Variants in DSCAML1 observed in about 807,000 individuals in gnomAD.
DSCAML1 encodes the protein DS cell adhesion molecule like 1.
Under a neutral mutation model 200.5 loss-of-function variants are expected in DSCAML1, and 38 were observed. The ratio of observed to expected loss-of-function variants is 0.19; its 90% CI spans 0.15 to 0.25. DSCAML1 has a LOEUF of 0.25. Ranked by LOEUF, DSCAML1 falls within the 10% of genes least tolerant of loss-of-function variation. The pLI, the probability that DSCAML1 is intolerant of heterozygous loss-of-function variation, is 1.00. For synonymous variants in DSCAML1, 1,215 were observed against 1,165.0 expected (o/e 1.04, Z -0.87); for missense variants, 2,223 against 2,858.8 (o/e 0.78, Z 5.07).
intron 3 of DSCAML1, among the ~76,000 whole-genome samples, chr11:117,722,479 T>C (rs1565895002): frequency 6.6e-6 from 1 of 152,160 alleles, no homozygotes; most frequent in Non-Finnish European, 1.5e-5. Flanking sequence ...AAGGTGAATA[T>C]ATTTAACAGC....
intron 3 of DSCAML1, among the ~76,000 whole-genome samples, chr11:117,548,866 G>A (rs1310861153): frequency 6.6e-6 from 1 of 152,192 alleles, no homozygotes; most frequent in South Asian, 2.1e-4. Context: ...GGGAGGAGTC[G>A]CTGGGCTGCC....
At chr11:117,785,257 G>A (rs12273859) in intron 1 of DSCAML1, among the ~76,000 whole-genome samples, 6,968 of 152,236 alleles carry the variant, frequency 0.046, 461 homozygotes, top group African/African-American at 0.14. Flanking sequence ...TATGTGACCC[G>A]GGGGCTGAAA....
rs548760156 is a variant in DSCAML1 at position 117,666,234 on chromosome 11, C to A, written c.511+110557G>T. ...ACCCTCGAGCCAGCCTCTTCAGCAT[C>A]AATTTCCACATCTGTAAATTGGGAG... On this transcript the variant is annotated intron_variant, in intron 3 of 32. Transcript: ENST00000651296. Among the ~76,000 whole-genome samples, 16 of 152,278 alleles carry A rather than the reference C, an allele frequency of 1.1e-4. No individual in the cohort carries two copies. The South Asian group carries it at 3.3e-3, about 32-fold the overall frequency.
In DSCAML1 at chr11:117,464,973, G is replaced by T. The variant is rs753419027; in HGVS notation, c.3234C>A (p.Ser1078=). 10 of 1,614,098 alleles carry T rather than the reference G, an allele frequency of 6.2e-6. No homozygotes were observed. Among genetic ancestry groups the T allele is most frequent in the Admixed American group, 5.0e-5 (3 of 60,014 alleles). The change falls in exon 17 of 33, where the codon TCC becomes TCA. Residue 1078 remains serine (S), a synonymous_variant. Transcript: ENST00000651296. ...CCAGAGTGGTGGCATTGATCTCGCT[G>T]GAAGAGGGCCCCGTGCCAGCCCGAT... ...AFNRAGTGPS[S]SEINATTLED...
intron 3 of DSCAML1, among the ~76,000 whole-genome samples, chr11:117,562,525 G>A (rs1180499712): frequency 6.6e-6 from 1 of 152,194 alleles, no homozygotes; most frequent in African/African-American, 2.4e-5. Flanking sequence ...AACGACATGT[G>A]GGTCTCCTTG....
intron 3 of DSCAML1, among the ~76,000 whole-genome samples, chr11:117,672,063 T>C (rs1360596924): frequency 1.2e-4 from 16 of 134,514 alleles, no homozygotes; most frequent in Non-Finnish European, 3.0e-5. Flanking sequence ...ATCGCGCCAC[T>C]GCACTCCAGC....
At chr11:117,812,629 C>T (rs2055770639) in intron 1 of DSCAML1, among the ~76,000 whole-genome samples, 1 of 151,866 alleles carries the variant, frequency 6.6e-6, no homozygotes, top group Non-Finnish European at 1.5e-5. Flanking sequence ...GCTGTACTGC[C>T]ACAAGGCTTC....
At chr11:117,691,569 G>A (rs2137720554) in intron 3 of DSCAML1, among the ~76,000 whole-genome samples, 1 of 152,258 alleles carries the variant, frequency 6.6e-6, no homozygotes, top group Admixed American at 6.5e-5. Flanking sequence ...CCCTGCTTAG[G>A]AGCCGGGGCT....
intron 27 of DSCAML1, among the ~76,000 whole-genome samples, chr11:117,435,425 A>G (rs1255698950): frequency 6.6e-6 from 1 of 152,228 alleles, no homozygotes; most frequent in Non-Finnish European, 1.5e-5. Flanking sequence ...ATTAGCCCTG[A>G]CTGGGGCAGG....
chr11:117,583,133 C>T (rs1034634907), intron 3 of DSCAML1, among the ~76,000 whole-genome samples: 2 of 151,888 alleles, frequency 1.3e-5, no homozygotes, highest in African/African-American at 4.8e-5. Context: ...GAAACCATGG[C>T]CTTTCCCCTC....
chr11:117,775,576 T>C (rs7945999), intron 3 of DSCAML1, among the ~76,000 whole-genome samples: 15,748 of 151,704 alleles, frequency 0.1, 1,059 homozygotes, highest in African/African-American at 0.19. Flanking sequence ...AAGTACTGAG[T>C]GTAAAAGGCA....
chr11:117,478,797 T>A (rs1204659262), intron 14 of DSCAML1, among the ~76,000 whole-genome samples: 1 of 152,228 alleles, frequency 6.6e-6, no homozygotes, highest in African/African-American at 2.4e-5. Flanking sequence ...CTGTTGCCTT[T>A]CAGTACCCAA....
Position 117,481,324 on chromosome 11 carries a change from G to A in DSCAML1, c.2560-54C>T, listed in dbSNP as rs1370091030. 7 of 1,578,322 alleles carry A rather than the reference G, an allele frequency of 4.4e-6. No homozygotes were observed. In the East Asian group the frequency reaches 1.6e-4, roughly 35 times the overall value. On this transcript the variant is annotated intron_variant, in intron 12 of 32. Transcript: ENST00000651296. ...GGGAGTAAACAGGGAGAGTCTTTTA[G>A]AGCTGGTCAGCTGAAGGGGTCACTC... is the stretch of plus-strand genomic sequence containing the variant.
At chr11:117,778,349 G>A (rs867350642) in intron 2 of DSCAML1, among the ~76,000 whole-genome samples, 35 of 152,344 alleles carry the variant, frequency 2.3e-4, no homozygotes, top group African/African-American at 8.4e-4. Flanking sequence ...GCAAGGTGGT[G>A]GAGTGGAAAG....
In DSCAML1 at chr11:117,428,289, C is replaced by G. The variant is rs759628818; in HGVS notation, c.*39G>C. 8.6e-7 allele frequency: 1 copy of G among 1,161,010 alleles called. No homozygotes were observed. The highest frequency in any genetic ancestry group is 1.6e-5 in the African/African-American group (1 of 64,494). The allele number at this position is 1,161,010 out of a possible 1,614,324, so 71.9% of individuals were successfully genotyped here. On this transcript the variant is annotated 3_prime_UTR_variant, in exon 33 of 33. Transcript: ENST00000651296. ...GCCGAGCTGGCGTGTGGGGCTGCGG[C>G]GCGGCGCGGTCCAGGCGTGGCTGCT...
At chr11:117,752,809 A>G (rs1425432678) in intron 3 of DSCAML1, among the ~76,000 whole-genome samples, 1 of 152,254 alleles carries the variant, frequency 6.6e-6, no homozygotes, top group Non-Finnish European at 1.5e-5. Flanking sequence ...ATGAGGCTGC[A>G]GCACGAGGGC....
At chr11:117,747,916 G>C (rs568922492) in intron 3 of DSCAML1, among the ~76,000 whole-genome samples, 11 of 152,238 alleles carry the variant, frequency 7.2e-5, no homozygotes, top group Admixed American at 2.6e-4. Context: ...ACTTTACCAG[G>C]AAAGGAGCCC....
chr11:117,737,989 G>A (rs989706577), intron 3 of DSCAML1, among the ~76,000 whole-genome samples: 9 of 152,192 alleles, frequency 5.9e-5, no homozygotes, highest in African/African-American at 2.2e-4. Flanking sequence ...TTAGATAGAG[G>A]TGGAAAGAAA....
chr11:117,497,846 A>G (rs1396816853), intron 11 of DSCAML1, among the ~76,000 whole-genome samples: 1 of 152,188 alleles, frequency 6.6e-6, no homozygotes, highest in African/African-American at 2.4e-5. Context: ...AGGCCAGCGT[A>G]ACTCAGCACC....
Sources: gnomAD v4.1 joint callset for allele counts (sites outside exome capture counted in the v4.1 genomes callset) on GRCh38, gnomAD v4.1.1 for gene constraint, MANE v1.5 for transcripts, NCBI Gene and HGNC (gene_info 2026-07-23, HGNC 2026-07-21) for gene names.